The following BRD10 variants were observed in gnomAD, a reference collection of about 807,000 sequenced individuals.
The protein encoded by BRD10 is uncharacterized bromodomain-containing protein 10.
chr9:5,973,246 C>A, the BRD10 span, among the ~76,000 whole-genome samples: 1 of 152,060 alleles, frequency 6.6e-6, no homozygotes, highest in Admixed American at 6.6e-5. Context: ...GCAGGCAGAT[C>A]ATTTGAAGTC....
the BRD10 span, among the ~76,000 whole-genome samples, chr9:5,957,465 C>A: frequency 5.3e-5 from 8 of 152,120 alleles, no homozygotes; most frequent in Non-Finnish European, 8.8e-5. Flanking sequence ...GTAGGTATTA[C>A]CTCACTTATC....
At chr9:5,976,721 C>A in the BRD10 span, among the ~76,000 whole-genome samples, 2 of 149,644 alleles carry the variant, frequency 1.3e-5, no homozygotes, top group East Asian at 3.9e-4. Flanking sequence ...AACTAGGAAG[C>A]GCCAAATAGT....
chr9:6,007,935 G>C, the BRD10 span: 8 of 1,331,378 alleles, frequency 6.0e-6, no homozygotes, highest in Non-Finnish European at 7.6e-6. Context: ...GGCTCGGCTC[G>C]GTGCGCGCGG....
At chr9:5,912,179 C>T in the BRD10 span, among the ~76,000 whole-genome samples, 2 of 151,956 alleles carry the variant, frequency 1.3e-5, no homozygotes, top group South Asian at 4.2e-4. Context: ...CAGGTTGTTC[C>T]CTGTTGGCAT....
At chr9:5,933,727 A>T in the BRD10 span, 1 of 469,090 alleles carries the variant, frequency 2.1e-6, no homozygotes, top group South Asian at 1.6e-5. Context: ...TATGTATGTG[A>T]AATGAGTCGG....
At chr9:5,985,339 T>G in the BRD10 span, among the ~76,000 whole-genome samples, 3,130 of 152,302 alleles carry the variant, frequency 0.021, 54 homozygotes, top group Admixed American at 0.031. Flanking sequence ...TACGCTAAGA[T>G]TCCTTAGGTA....
At chr9:5,971,311 G>A in the BRD10 span, among the ~76,000 whole-genome samples, 1 of 152,098 alleles carries the variant, frequency 6.6e-6, no homozygotes, top group Non-Finnish European at 1.5e-5. Context: ...ATACACTGTA[G>A]GCAGTATAAT....
At chr9:5,926,381 C>T in the BRD10 span, among the ~76,000 whole-genome samples, 5 of 152,100 alleles carry the variant, frequency 3.3e-5, no homozygotes, top group African/African-American at 7.2e-5. Context: ...AATCTTGGCT[C>T]ACTGTAACCT....
At chr9:6,007,997 G>A in the BRD10 span, 5 of 1,273,644 alleles carry the variant, frequency 3.9e-6, no homozygotes, top group Non-Finnish European at 4.9e-6. Flanking sequence ...CGCGAGGAGG[G>A]GGGAGAGAAG....
the BRD10 span, among the ~76,000 whole-genome samples, chr9:5,894,936 C>A: frequency 6.6e-6 from 1 of 152,154 alleles, no homozygotes; most frequent in East Asian, 1.9e-4. This position sits in a 1 kb window ranked among gnomAD's most constrained non-coding sequence, Gnocchi z 4.0. Context: ...GTGAAGGAAC[C>A]CCTTGACTGA....
the BRD10 span, chr9:5,897,654 G>T: frequency 6.2e-7 from 1 of 1,612,800 alleles, no homozygotes; most frequent in Non-Finnish European, 8.5e-7. Context: ...AGCCTTGATG[G>T]TTGGTAAAGT....
chr9:5,911,876 C>G, the BRD10 span, among the ~76,000 whole-genome samples: 1 of 151,986 alleles, frequency 6.6e-6, no homozygotes, highest in African/African-American at 2.4e-5. Flanking sequence ...TATTCTGGGA[C>G]TTTGTGATTC....
chr9:5,887,941 T>C, the BRD10 span, among the ~76,000 whole-genome samples: 1 of 152,176 alleles, frequency 6.6e-6, no homozygotes, highest in Admixed American at 6.5e-5. Flanking sequence ...CCCTTCTTTG[T>C]TTTCTTTCTC....
chr9:5,933,505 T>C, the BRD10 span, among the ~76,000 whole-genome samples: 2 of 152,234 alleles, frequency 1.3e-5, no homozygotes, highest in Admixed American at 1.3e-4. Flanking sequence ...TTCCATAAGA[T>C]GGCCCAACTA....
the BRD10 span, among the ~76,000 whole-genome samples, chr9:5,912,741 C>T: frequency 1.3e-5 from 2 of 152,128 alleles, no homozygotes; most frequent in African/African-American, 4.8e-5. Flanking sequence ...TCTACTGCAG[C>T]GTGCCCTTCC....
At chr9:5,905,859 T>C in the BRD10 span, among the ~76,000 whole-genome samples, 1 of 152,234 alleles carries the variant, frequency 6.6e-6, no homozygotes, top group Non-Finnish European at 1.5e-5. Flanking sequence ...CTTGAGACTA[T>C]TCTCCCGGCC....
chr9:5,910,282 C>T, the BRD10 span: 1 of 152,122 alleles, frequency 6.6e-6, no homozygotes. Context: ...AACATAACTG[C>T]ATCATTTTCT....
the BRD10 span, chr9:5,922,679 A>C: frequency 6.2e-7 from 1 of 1,614,026 alleles, no homozygotes; most frequent in Non-Finnish European, 8.5e-7. Context: ...ATTCTTAGGC[A>C]GAATAAGAAC....
the BRD10 span, chr9:6,007,153 T>C: frequency 6.3e-7 from 1 of 1,577,610 alleles, no homozygotes; most frequent in Non-Finnish European, 8.7e-7. Flanking sequence ...AGTGTGTGTT[T>C]GTGTCAGTCT....
Sources: allele counts gnomAD v4.1 joint callset (sites outside exome capture counted in the v4.1 genomes callset), GRCh38; gene constraint gnomAD v4.1.1; non-coding constraint Gnocchi (gnomAD v3.1); transcripts MANE v1.5; gene names NCBI Gene and HGNC (gene_info 2026-07-23, HGNC 2026-07-21).